Variants in BEST1 observed in about 807,000 individuals in gnomAD.
The protein encoded by BEST1 is bestrophin 1.
A neutral mutation model predicts 63.3 loss-of-function variants in BEST1; 58 were observed. That is an observed-to-expected ratio of 0.92 (90% CI 0.74 to 1.14). The LOEUF is 1.14. Among genes scored for constraint, BEST1 ranks in the 50% most tolerant of loss-of-function variants. BEST1 has a pLI of 0.00. For missense variants in BEST1, 671 were observed against 740.1 expected (o/e 0.91, Z 1.08); for synonymous variants, 283 against 291.6 (o/e 0.97, Z 0.30).
rs1942160763 is a variant in BEST1, at chr11:61,962,403, AG to A, written c.1252del (p.Glu418AsnfsTer64). 1 of 1,614,188 alleles carries A rather than the reference AG, an allele frequency of 6.2e-7. No individual in the cohort carries two copies. The highest frequency in any genetic ancestry group is 8.5e-7 in the Non-Finnish European group (1 of 1,180,032). On this transcript the variant is annotated frameshift_variant, in exon 10 of 11. Coordinates refer to ENST00000378043, the MANE Select transcript of BEST1 (RefSeq NM_004183.4). LOFTEE classifies it high-confidence loss of function. ...NSRTKLLWPKRESLLHEGLPK... is the reference protein window; with the variant it reads ...NSRTKLLWPKXESLLHEGLPK... Reference sequence around the variant, plus strand: ...AAGGACCAAACTACTGTGGCCCAAGAGGGAATCCCTTCTCCACGAGGGCCTG... The same window carrying A: ...AAGGACCAAACTACTGTGGCCCAAGAGGAATCCCTTCTCCACGAGGGCCTG...
At chr11:61,955,328 G>T in intron 3 of BEST1, 127 bp downstream of exon 3, 1 of 1,549,336 alleles carries the variant, frequency 6.5e-7, no homozygotes, top group Non-Finnish European at 8.7e-7. Flanking sequence ...GCGGCAGGTC[G>T]GCGCCTCTCT....
chr11:61,959,698 C>G, intron 8 of BEST1, 120 bp downstream of exon 8: 1 of 1,313,666 alleles, frequency 7.6e-7, no homozygotes, highest in Non-Finnish European at 1.1e-6. Context: ...CCTCCTCCCT[C>G]CTGCAGCCAG....
intron 7 of BEST1, 30 bp from the exon 8 acceptor site, chr11:61,959,468 A>G (rs751234231): frequency 6.2e-7 from 1 of 1,610,468 alleles, no homozygotes; most frequent in Non-Finnish European, 8.5e-7. Flanking sequence ...GTTCTGCCTG[A>G]GGGTTTACAG....
intron 2 of BEST1, among the ~76,000 whole-genome samples, chr11:61,952,368 A>G (rs1565383230): frequency 6.6e-6 from 1 of 151,266 alleles, no homozygotes; most frequent in Non-Finnish European, 1.5e-5. Context: ...GCTGGTCTCG[A>G]ACTCCTAGGC....
intron 8 of BEST1, 110 bp from the exon 9 acceptor site, chr11:61,959,782 G>A (rs1273060818): frequency 6.7e-7 from 1 of 1,500,740 alleles, no homozygotes; most frequent in African/African-American, 1.4e-5. Flanking sequence ...TTCACAGGCA[G>A]GGAAACTGAG....
intron 6 of BEST1, 128 bp from the exon 7 acceptor site, chr11:61,958,015 CCCT>C: frequency 8.2e-7 from 1 of 1,221,682 alleles, no homozygotes; most frequent in African/African-American, 1.4e-5. Context: ...TTAACAGAGC[CCCT>C]AAGTCACATA....
chr11:61,963,946 T>C (rs181016777), intron 10 of BEST1, 158 bp from the exon 11 acceptor site: 644 of 1,469,358 alleles, frequency 4.4e-4, no homozygotes, highest in Non-Finnish European at 5.5e-4. Context: ...TGCAGTGAGA[T>C]TGAGCAACTG....
chr11:61,954,682 T>C (rs1023872806), intron 2 of BEST1: 13 of 568,178 alleles, frequency 2.3e-5, no homozygotes, highest in Non-Finnish European at 2.9e-5. Flanking sequence ...AGGCTGGTCT[T>C]GAACTCTTGG....
At chr11:61,958,375 T>C (rs754500189) in intron 7 of BEST1, 77 bp downstream of exon 7, 1 of 1,609,238 alleles carries the variant, frequency 6.2e-7, no homozygotes, top group Admixed American at 1.7e-5. Flanking sequence ...GAGACGAGGA[T>C]GCAGTGTCAG....
At chr11:61,959,674 TG>T in intron 8 of BEST1, 96 bp downstream of exon 8, 1 of 1,402,670 alleles carries the variant, frequency 7.1e-7, no homozygotes, top group Non-Finnish European at 1.0e-6. Flanking sequence ...TCACAGTGAA[TG>T]ATCAACCCTT....
At chr11:61,961,061 G>C (rs1408332490) in intron 9 of BEST1, 1 of 151,218 alleles carries the variant, frequency 6.6e-6, no homozygotes, top group Non-Finnish European at 1.5e-5. Context: ...TTGTTGCCCA[G>C]AGCTGGAGTG....
chr11:61,956,753 AAGG>A (rs1941411795), intron 4 of BEST1, 88 bp from the exon 5 acceptor site: 18 of 1,515,700 alleles, frequency 1.2e-5, no homozygotes, highest in Non-Finnish European at 1.5e-5. Flanking sequence ...GAGGATGGCA[AAGG>A]AGTGCTGAGG....
At chr11:61,955,541 C>A in intron 3 of BEST1, 177 bp from the exon 4 acceptor site, 1 of 1,002,778 alleles carries the variant, frequency 1.0e-6, no homozygotes, top group Non-Finnish European at 1.4e-6. Context: ...TTGGGGCTCT[C>A]GCGCCTCCAT....
rs757536535 is a variant in BEST1, at chr11:61,959,934, C to T, written c.991C>T (p.Arg331Trp). The change falls in exon 9 of 11, where the codon CGG (arginine) becomes TGG (tryptophan). Residue 331 changes from arginine to tryptophan, a missense_variant. Arg to Trp is a moderately radical substitution (Grantham distance 101). Coordinates refer to ENST00000378043, the MANE Select transcript of BEST1 (RefSeq NM_004183.4). ...AVDEMHQDLP[R>W]MEPDMYWNKP... ...GGATGAGATGCACCAGGACCTGCCT[C>T]GGATGGAGCCGGACATGTACTGGAA... 28 of 1,613,148 alleles carry T rather than the reference C, an allele frequency of 1.7e-5. No individual in the cohort carries two copies. The highest frequency in any genetic ancestry group is 8.3e-5 in the Admixed American group (5 of 59,916).
chr11:61,964,993 G>A (rs760127724), downstream of BEST1: 30 of 1,613,926 alleles, frequency 1.9e-5, no homozygotes, highest in African/African-American at 4.0e-5. Flanking sequence ...TCACATGGGG[G>A]TCATTTTTGT....
rs777230601 is a variant in BEST1 at position 61,955,802 on chromosome 11, C to T, written c.332C>T (p.Ser111Leu). 2 of 1,550,392 alleles carry T rather than the reference C, an allele frequency of 1.3e-6. No homozygotes were observed. Among genetic ancestry groups the T allele is most frequent in the Non-Finnish European group, 1.7e-6 (2 of 1,146,942 alleles). The stretch of plus-strand genomic sequence containing the variant: ...CCCGACCGCCTCATGAGCCTGGTGT[C>T]GGGCTTCGTCGAAGGCAAGGACGAG... The part of the protein sequence containing the change: ...PWPDRLMSLV[S>L]GFVEGKDEQG... The change falls in exon 4 of 11, where the codon TCG (serine) becomes TTG (leucine). Residue 111 changes from serine (S) to leucine (L), a missense_variant. Coordinates refer to ENST00000378043, the MANE Select transcript of BEST1 (RefSeq NM_004183.4).
At position 61,956,926 on chromosome 11, in the gene BEST1, T is replaced by C. The variant is rs771276800; in HGVS notation, c.564T>C (p.Phe188=). Residue 188 remains phenylalanine (F), a synonymous_variant, in exon 5 of 11, where the codon TTT becomes TTC. Transcript: ENST00000378043. ...HNMFWVPWVW[F]ANLSMKAWLG... is the part of the protein sequence containing the mutation. ...TGTTCTGGGTGCCCTGGGTGTGGTT[T>C]GCCAACCTGTCAATGAAGGCGTGGC... 2.5e-6 allele frequency: 4 copies of C among 1,614,046 alleles called. No individual in the cohort carries two copies. The African/African-American group carries it at 5.3e-5, about 22-fold the overall frequency.
chr11:61,954,114 A>G (rs1383515188), intron 2 of BEST1, among the ~76,000 whole-genome samples: 1 of 152,206 alleles, frequency 6.6e-6, no homozygotes, highest in African/African-American at 2.4e-5. Flanking sequence ...TTGGGCACTA[A>G]TGCATGCTGA....
chr11:61,951,541 C>T (rs1940658217), intron 1 of BEST1, among the ~76,000 whole-genome samples: 1 of 152,158 alleles, frequency 6.6e-6, no homozygotes, highest in Non-Finnish European at 1.5e-5. Flanking sequence ...TGGCAATGCA[C>T]ACGCCTATCT....
Sources: gnomAD v4.1 joint callset for allele counts (sites outside exome capture counted in the v4.1 genomes callset) on GRCh38, gnomAD v4.1.1 for gene constraint, MANE v1.5 for transcripts, NCBI Gene and HGNC (gene_info 2026-07-23, HGNC 2026-07-21) for gene names.